Variants in WDPCP observed in about 807,000 individuals in gnomAD.
The protein encoded by WDPCP is WD repeat containing planar cell polarity effector, also known as WD repeat-containing and planar cell polarity effector protein fritz homolog.
WDPCP carries 71 observed loss-of-function variants against 93.1 expected under a neutral mutation model. The observed-to-expected ratio is 0.76, with a 90% CI of 0.63 to 0.93. The LOEUF (loss-of-function observed/expected upper bound fraction) is 0.93, where lower values mean the gene tolerates loss of function less well. Ranked by LOEUF, WDPCP falls within the 40% of genes least tolerant of loss-of-function variation. The pLI, the probability that WDPCP is intolerant of heterozygous loss-of-function variation, is 0.00. For missense variants in WDPCP, 844 were observed against 887.4 expected, an observed-to-expected ratio of 0.95 and a Z score of 0.62; for synonymous variants, 315 against 315.0, an observed-to-expected ratio of 1.00 and a Z score of 0.00.
chr2:63,513,409 C>T (rs1043634890), intron 1 of WDPCP, among the ~76,000 whole-genome samples: 2 of 152,030 alleles, frequency 1.3e-5, no homozygotes, highest in Non-Finnish European at 2.9e-5. Context: ...TGTTGAGGCT[C>T]AGACCACTAG....
intron 2 of WDPCP, among the ~76,000 whole-genome samples, chr2:63,771,809 T>C (rs1670230718): frequency 6.6e-6 from 1 of 152,060 alleles, no homozygotes; most frequent in South Asian, 2.1e-4. Flanking sequence ...TTACTTTTCT[T>C]TTCCTGTATT....
intron 12 of WDPCP, among the ~76,000 whole-genome samples, chr2:63,364,744 T>C (rs922716465): frequency 1.3e-5 from 2 of 152,222 alleles, no homozygotes; most frequent in African/African-American, 4.8e-5. Context: ...AACCTCTTAC[T>C]TATGAAGAAA....
chr2:63,477,290 G>T (rs1700024104), intron 6 of WDPCP, among the ~76,000 whole-genome samples: 2 of 151,894 alleles, frequency 1.3e-5, no homozygotes, highest in Non-Finnish European at 2.9e-5. Context: ...TTCAAAGCAA[G>T]AAATTATTAA....
intron 1 of WDPCP, among the ~76,000 whole-genome samples, chr2:63,558,255 C>T (rs1558805281): frequency 6.6e-6 from 1 of 151,918 alleles, no homozygotes; most frequent in Non-Finnish European, 1.5e-5. Flanking sequence ...AGAGGCCAGG[C>T]GTGGTGGCTC....
intron 3 of WDPCP, chr2:63,599,306 A>G (rs771981831): frequency 1.9e-6 from 3 of 1,604,444 alleles, no homozygotes; most frequent in African/African-American, 1.3e-5. Context: ...AGAAAAATAT[A>G]TTTTAAATCT....
At chr2:63,334,079 G>A (rs770091724) in intron 12 of WDPCP, among the ~76,000 whole-genome samples, 4 of 152,148 alleles carry the variant, frequency 2.6e-5, no homozygotes, top group Non-Finnish European at 5.9e-5. Flanking sequence ...TCTGGGAGGG[G>A]TACCATCAAA....
intron 2 of WDPCP, among the ~76,000 whole-genome samples, chr2:63,662,812 G>A (rs535351348): frequency 6.6e-6 from 1 of 152,244 alleles, no homozygotes; most frequent in South Asian, 2.1e-4. Context: ...TTCTTTAACC[G>A]AGTTTGCCAG....
At chr2:63,317,188 T>C (rs1008728504) in intron 12 of WDPCP, among the ~76,000 whole-genome samples, 1 of 151,986 alleles carries the variant, frequency 6.6e-6, no homozygotes, top group African/African-American at 2.4e-5. Flanking sequence ...CTTAGATTTA[T>C]ATGGAACCAG....
intron 14 of WDPCP, among the ~76,000 whole-genome samples, chr2:63,177,973 C>G (rs1457595933): frequency 1.3e-5 from 2 of 152,184 alleles, no homozygotes; most frequent in African/African-American, 4.8e-5. Context: ...GTGTGTGTAT[C>G]AATTGAGATG....
At chr2:63,497,841 A>G (rs1338542328) in intron 1 of WDPCP, among the ~76,000 whole-genome samples, 3 of 152,158 alleles carry the variant, frequency 2.0e-5, no homozygotes, top group Non-Finnish European at 2.9e-5. Context: ...TTTGAAGGAG[A>G]GAAGAAAAGA....
intron 1 of WDPCP, among the ~76,000 whole-genome samples, chr2:63,543,297 T>A (rs188945814): frequency 1.6e-3 from 242 of 152,234 alleles, no homozygotes; most frequent in Non-Finnish European, 2.3e-3. Flanking sequence ...TCAGTTATAA[T>A]AGCCTACTGA....
chr2:63,205,252 G>A (rs1676251766), intron 14 of WDPCP, among the ~76,000 whole-genome samples: 1 of 152,082 alleles, frequency 6.6e-6, no homozygotes, highest in Non-Finnish European at 1.5e-5. Flanking sequence ...TAGCTCTGTA[G>A]TATAATTTTA....
chr2:63,321,493 C>A (rs570358021), intron 12 of WDPCP, among the ~76,000 whole-genome samples: 1 of 151,690 alleles, frequency 6.6e-6, no homozygotes, highest in Non-Finnish European at 1.5e-5. Flanking sequence ...TCATTCTGGC[C>A]CATCTTAGAC....
intron 10 of WDPCP, among the ~76,000 whole-genome samples, chr2:63,394,722 A>T (rs148458772): frequency 4.6e-4 from 70 of 152,270 alleles, no homozygotes; most frequent in African/African-American, 1.6e-3. Context: ...AAAGAATGAG[A>T]TGATATGCTC....
chr2:63,507,318 T>G (rs1701945699), intron 1 of WDPCP, among the ~76,000 whole-genome samples: 1 of 152,032 alleles, frequency 6.6e-6, no homozygotes, highest in South Asian at 2.1e-4. Context: ...ATCGCAACAC[T>G]GGGAGTTGTT....
At chr2:63,507,609 C>G (rs1221352904) in intron 1 of WDPCP, among the ~76,000 whole-genome samples, 1 of 151,912 alleles carries the variant, frequency 6.6e-6, no homozygotes, top group Admixed American at 6.6e-5. Context: ...AAATAGGTTT[C>G]AGAAGGTGGG....
intron 13 of WDPCP, among the ~76,000 whole-genome samples, chr2:63,287,080 G>T (rs2104980993): frequency 6.6e-6 from 1 of 152,230 alleles, no homozygotes; most frequent in East Asian, 1.9e-4. Flanking sequence ...TCCTCACATG[G>T]TCTTACTTCT....
chr2:63,359,311 T>C (rs748668096), intron 12 of WDPCP, among the ~76,000 whole-genome samples: 15 of 152,184 alleles, frequency 9.9e-5, no homozygotes, highest in Non-Finnish European at 1.9e-4. Context: ...ATCCATAAAC[T>C]TTTTTAGAAG....
At chr2:63,379,941 C>A (rs1007577189) in intron 11 of WDPCP, among the ~76,000 whole-genome samples, 3 of 152,066 alleles carry the variant, frequency 2.0e-5, no homozygotes, top group African/African-American at 7.2e-5. Flanking sequence ...ATTTTAATAG[C>A]CTAGTATCAT....
Sources: allele counts gnomAD v4.1 joint callset (sites outside exome capture counted in the v4.1 genomes callset), GRCh38; gene constraint gnomAD v4.1.1; transcripts MANE v1.5; gene names NCBI Gene and HGNC (gene_info 2026-07-23, HGNC 2026-07-21).